C16orf78: variants seen among roughly 807,000 people sequenced by gnomAD.
The protein encoded by C16orf78 is chromosome 16 open reading frame 78.
In C16orf78, 19 loss-of-function variants were observed where a neutral mutation model predicts 27.3. The observed-to-expected ratio is 0.70, with a 90% confidence interval of 0.49 to 1.02. The LOEUF is 1.02. Among genes scored for constraint, C16orf78 ranks in the 50% least tolerant of loss-of-function variants. The pLI is 0.00. For missense variants in C16orf78, 339 were observed against 337.0 expected (o/e 1.01, Z -0.05); for synonymous variants, 130 against 116.1 (o/e 1.12, Z -0.77).
intron 3 of C16orf78, among the ~76,000 whole-genome samples, chr16:49,384,589 G>T (rs1284054531): frequency 2.0e-5 from 3 of 151,996 alleles, no homozygotes; most frequent in African/African-American, 7.2e-5. Context: ...ACATATTATG[G>T]GAGTCTAAGA....
intron 3 of C16orf78, among the ~76,000 whole-genome samples, chr16:49,387,699 G>A (rs1965367272): frequency 6.6e-6 from 1 of 152,148 alleles, no homozygotes; most frequent in South Asian, 2.1e-4. Flanking sequence ...TGTTGTCGTT[G>A]TAGTTGGTAG....
intron 3 of C16orf78, among the ~76,000 whole-genome samples, chr16:49,392,753 C>T (rs1965428241): frequency 6.6e-6 from 1 of 152,128 alleles, no homozygotes; most frequent in African/African-American, 2.4e-5. Flanking sequence ...TGGGTAAATT[C>T]TGTGTCGCTG....
intron 3 of C16orf78, among the ~76,000 whole-genome samples, chr16:49,395,639 C>T (rs942107004): frequency 2.6e-5 from 4 of 152,308 alleles, no homozygotes; most frequent in Non-Finnish European, 5.9e-5. Context: ...CTTACCATTA[C>T]ATTTCGTGTA....
chr16:49,399,290 C>T lies in C16orf78; in HGVS notation c.*12C>T, dbSNP rs201664029. The T allele has an allele frequency of 7.5e-5, 121 of 1,613,518 alleles. No homozygotes were observed. The highest frequency in any genetic ancestry group is 1.3e-4 in the Admixed American group (8 of 59,998). ...GCATGGCCCTCTAAATAGCTCCTCT[C>T]GCCACCACCTTCAGGCTCCTTCTGT... On this transcript the variant is annotated 3_prime_UTR_variant, in exon 5 of 5. Coordinates refer to ENST00000299191, the MANE Select transcript of C16orf78 (RefSeq NM_144602.4).
intron 3 of C16orf78, among the ~76,000 whole-genome samples, chr16:49,389,151 G>A (rs993605753): frequency 4.6e-5 from 7 of 151,966 alleles, no homozygotes; most frequent in South Asian, 2.1e-4. Flanking sequence ...AGCCTGGTTC[G>A]GTGGCTCACG....
intron 1 of C16orf78, among the ~76,000 whole-genome samples, chr16:49,375,330 T>TA (rs532890254): frequency 2.1e-4 from 32 of 149,366 alleles, no homozygotes; most frequent in Admixed American, 3.3e-4. Context: ...GTCATTTATT[T>TA]AAAAAAAAAA....
chr16:49,377,207 G>A (rs1231796712), intron 1 of C16orf78, among the ~76,000 whole-genome samples: 1 of 152,204 alleles, frequency 6.6e-6, no homozygotes, highest in Non-Finnish European at 1.5e-5. Context: ...GAATACCTGG[G>A]GAAATAGAAA....
At chr16:49,396,727 C>A (rs1455530952) in intron 4 of C16orf78, 49 bp downstream of exon 4, 2 of 1,579,014 alleles carry the variant, frequency 1.3e-6, no homozygotes, top group East Asian at 2.2e-5. Context: ...CTGGAACAGG[C>A]TTTGCTCACT....
At chr16:49,393,893 GT>G (rs1211429846) in intron 3 of C16orf78, among the ~76,000 whole-genome samples, 5 of 152,022 alleles carry the variant, frequency 3.3e-5, no homozygotes, top group Non-Finnish European at 2.9e-5. Flanking sequence ...AAGATTTTAT[GT>G]GAGAAAGGAT....
chr16:49,381,954 C>T (rs1213230541), intron 3 of C16orf78, among the ~76,000 whole-genome samples: 1 of 151,456 alleles, frequency 6.6e-6, no homozygotes, highest in Admixed American at 6.6e-5. Flanking sequence ...GCTATAAAGA[C>T]ACATGCACAC....
chr16:49,377,921 C>T, intron 2 of C16orf78, 71 bp downstream of exon 2: 1 of 1,521,132 alleles, frequency 6.6e-7, no homozygotes, highest in East Asian at 2.5e-5. Flanking sequence ...CTGCTTCTCT[C>T]CTGCATAATG....
At position 49,378,215 on chromosome 16, in the gene C16orf78, C is replaced by T. The variant is rs116749933; in HGVS notation, c.271-255C>T. On this transcript the variant is annotated intron_variant, in intron 2 of 4. Transcript: ENST00000299191. ...AGAACCACCCAGACCTAATGGCCTC[C>T]GAGGGCCTGTGTTTCCAAGGCCCCC... Among the ~76,000 whole-genome samples the T allele has an allele frequency of 4.2e-3, 643 of 152,250 alleles. 5 individuals carry two copies. Among genetic ancestry groups the T allele is most frequent in the African/African-American group, 0.014 (597 of 41,548 alleles).
intron 4 of C16orf78, among the ~76,000 whole-genome samples, chr16:49,398,744 A>T (rs1965505770): frequency 6.6e-6 from 1 of 152,154 alleles, no homozygotes; most frequent in Non-Finnish European, 1.5e-5. Context: ...CAGATTGACC[A>T]ATTCTCTGTT....
intron 3 of C16orf78, among the ~76,000 whole-genome samples, chr16:49,382,361 G>A (rs889179602): frequency 5.3e-5 from 8 of 151,878 alleles, no homozygotes; most frequent in East Asian, 3.9e-4. Context: ...ACATGTATAC[G>A]TAAGTAACTA....
chr16:49,378,736 C>T (rs1337811909), intron 3 of C16orf78, 143 bp downstream of exon 3: 2 of 1,277,784 alleles, frequency 1.6e-6, no homozygotes, highest in African/African-American at 1.5e-5. Flanking sequence ...CAGAAGCCCA[C>T]ATGGAGGCTC....
In C16orf78 at chr16:49,396,403, T is replaced by C. The variant is rs761192762; in HGVS notation, c.395-20T>C. On this transcript the variant is annotated intron_variant, in intron 3 of 4. Transcript: ENST00000299191. ...CGTCTCCCACGGTCTAACTCTTTGA[T>C]GGCATCTGTCCAATTTCAGATACAG... The C allele has an allele frequency of 5.0e-6, 8 of 1,612,944 alleles. No homozygotes were observed. In the African/African-American group the frequency reaches 6.7e-5, roughly 13 times the overall value.
At chr16:49,397,914 C>T (rs990803299) in intron 4 of C16orf78, among the ~76,000 whole-genome samples, 3 of 152,138 alleles carry the variant, frequency 2.0e-5, no homozygotes, top group Non-Finnish European at 2.9e-5. Context: ...TATAGGCATG[C>T]ACCACCACAC....
rs886217077 is a variant in C16orf78, at chr16:49,396,408, T to C, written c.395-15T>C. The C allele has an allele frequency of 1.2e-6, 2 of 1,613,392 alleles. No homozygotes were observed. The highest frequency in any genetic ancestry group is 2.7e-5 in the African/African-American group (2 of 74,922). On this transcript the variant is annotated splice_polypyrimidine_tract_variant and intron_variant, in intron 3 of 4. Coordinates refer to ENST00000299191, the MANE Select transcript of C16orf78 (RefSeq NM_144602.4). ...CCCACGGTCTAACTCTTTGATGGCA[T>C]CTGTCCAATTTCAGATACAGACATC...
rs1439634963 is a variant in C16orf78, at chr16:49,396,466, G to C, written c.438G>C (p.Arg146=). ...CAGTCGACCCAGAGTCCACTCAGCG[G>C]CCAAACCCATTCCGTCGACAAAGCA... ...KDAVDPESTQ[R]PNPFRRQSIV... is the part of the protein sequence containing the mutation. Residue 146 remains arginine, a synonymous_variant, in exon 4 of 5, where the codon CGG becomes CGC. Coordinates refer to ENST00000299191, the MANE Select transcript of C16orf78 (RefSeq NM_144602.4). 1.2e-6 allele frequency: 2 copies of C among 1,614,014 alleles called. No individual in the cohort carries two copies. The highest frequency in any genetic ancestry group is 3.3e-5 in the Admixed American group (2 of 60,000).
Sources: gnomAD v4.1 joint callset for allele counts (sites outside exome capture counted in the v4.1 genomes callset) on GRCh38, gnomAD v4.1.1 for gene constraint, MANE v1.5 for transcripts, NCBI Gene and HGNC (gene_info 2026-07-23, HGNC 2026-07-21) for gene names.